The following CTNND2 variants were observed in gnomAD, a reference collection of about 807,000 sequenced individuals.
CTNND2 encodes the protein catenin delta-2.
CTNND2 carries 22 observed loss-of-function variants against 144.4 expected under a neutral mutation model. That is an observed-to-expected ratio of 0.15 (90% confidence interval 0.11 to 0.22). The LOEUF (loss-of-function observed/expected upper bound fraction) is 0.22, where lower values mean the gene tolerates loss of function less well. Among genes scored for constraint, CTNND2 ranks in the 10% least tolerant of loss-of-function variants. CTNND2 has a pLI of 1.00. For synonymous variants in CTNND2, 751 were observed against 695.6 expected, an observed-to-expected ratio of 1.08 and a Z score of -1.25; for missense variants, 1,353 against 1,618.8, an observed-to-expected ratio of 0.84 and a Z score of 2.82.
chr5:11,640,717 C>G (rs1781955688), intron 2 of CTNND2, among the ~76,000 whole-genome samples: 1 of 152,140 alleles, frequency 6.6e-6, no homozygotes, highest in African/African-American at 2.4e-5. Context: ...ACAGAGAACA[C>G]AAGGTCTTGG....
intron 3 of CTNND2, among the ~76,000 whole-genome samples, chr5:11,543,081 T>C (rs990231820): frequency 6.6e-6 from 1 of 152,216 alleles, no homozygotes; most frequent in Non-Finnish European, 1.5e-5. Context: ...TCAACTTTCA[T>C]CTATGTGACT....
chr5:11,470,457 T>C (rs534010782), intron 3 of CTNND2, among the ~76,000 whole-genome samples: 3 of 152,132 alleles, frequency 2.0e-5, no homozygotes, highest in Admixed American at 2.0e-4. Flanking sequence ...ATTGAGAAGA[T>C]AGTACAGAGA....
At chr5:10,991,394 A>C (rs1057500431) in intron 19 of CTNND2, among the ~76,000 whole-genome samples, 4 of 152,218 alleles carry the variant, frequency 2.6e-5, no homozygotes, top group Admixed American at 2.6e-4. Flanking sequence ...TTTCATAAAT[A>C]AGAGCCTACA....
At chr5:11,196,269 A>G (rs186897537) in intron 11 of CTNND2, among the ~76,000 whole-genome samples, 54 of 152,344 alleles carry the variant, frequency 3.5e-4, no homozygotes, top group Non-Finnish European at 6.5e-4. Flanking sequence ...AAAAATCACT[A>G]AAATTGTTCT....
At chr5:11,118,154 G>A (rs1335987177) in intron 12 of CTNND2, among the ~76,000 whole-genome samples, 1 of 152,212 alleles carries the variant, frequency 6.6e-6, no homozygotes, top group Non-Finnish European at 1.5e-5. Flanking sequence ...CTGAGCTAAT[G>A]GCAACAGATG....
intron 14 of CTNND2, 70 bp downstream of exon 14, chr5:11,110,788 T>C (rs1752884964): frequency 7.1e-7 from 1 of 1,416,286 alleles, no homozygotes; most frequent in Non-Finnish European, 9.7e-7. Flanking sequence ...ATTCTCTATA[T>C]ATTGAGGATA....
At chr5:11,196,056 T>G (rs1203951790) in intron 11 of CTNND2, among the ~76,000 whole-genome samples, 2 of 152,232 alleles carry the variant, frequency 1.3e-5, no homozygotes, top group Admixed American at 1.3e-4. Flanking sequence ...ATGCGCTGAA[T>G]GTAAATGCAT....
chr5:11,454,382 CG>C (rs1765549209), intron 3 of CTNND2, among the ~76,000 whole-genome samples: 1 of 151,778 alleles, frequency 6.6e-6, no homozygotes, highest in Non-Finnish European at 1.5e-5. Context: ...ATCACATCAC[CG>C]CACTTCGGCC....
At chr5:11,676,720 G>A (rs1263950919) in intron 2 of CTNND2, among the ~76,000 whole-genome samples, 4 of 151,948 alleles carry the variant, frequency 2.6e-5, no homozygotes, top group African/African-American at 7.3e-5. Flanking sequence ...TTCAACTCAA[G>A]GTCAGAAGGT....
Position 11,523,643 on chromosome 5 carries a change from T to C in CTNND2, c.287+41301A>G, listed in dbSNP as rs538776731. Reference sequence around the variant, plus strand: ...GTGACAATCTCAGTTCATCTCCAAGTAGAACATAACAAGAAAGACAGGTCC... The same window carrying C: ...GTGACAATCTCAGTTCATCTCCAAGCAGAACATAACAAGAAAGACAGGTCC... On this transcript the variant is annotated intron_variant, in intron 3 of 21. Coordinates refer to ENST00000304623, the MANE Select transcript of CTNND2 (RefSeq NM_001332.4). Among the ~76,000 whole-genome samples the C allele has an allele frequency of 4.4e-4, 67 of 152,316 alleles. 1 individual carries two copies. The highest frequency in any genetic ancestry group is 1.6e-3 in the African/African-American group (65 of 41,574).
At chr5:11,073,671 C>T (rs1748590696) in intron 16 of CTNND2, among the ~76,000 whole-genome samples, 1 of 152,158 alleles carries the variant, frequency 6.6e-6, no homozygotes, top group African/African-American at 2.4e-5. Context: ...ACAAAGAACC[C>T]ATGGCTTCAC....
intron 1 of CTNND2, among the ~76,000 whole-genome samples, chr5:11,790,196 T>C (rs1309054705): frequency 6.6e-6 from 1 of 152,240 alleles, no homozygotes. Context: ...ATCTAAAAAT[T>C]AAATTTCTCA....
At chr5:11,302,925 CCTT>C (rs1186995355) in intron 9 of CTNND2, among the ~76,000 whole-genome samples, 1 of 152,212 alleles carries the variant, frequency 6.6e-6, no homozygotes, top group Non-Finnish European at 1.5e-5. Flanking sequence ...CGTCCTTCCT[CCTT>C]TTTGCCTACT....
chr5:11,116,213 A>C (rs1409042493), intron 13 of CTNND2, among the ~76,000 whole-genome samples: 2 of 152,224 alleles, frequency 1.3e-5, no homozygotes, highest in Admixed American at 6.5e-5. Flanking sequence ...AAACCATAGG[A>C]TTAAGGTCAC....
intron 16 of CTNND2, among the ~76,000 whole-genome samples, chr5:11,070,356 G>A (rs1006140095): frequency 3.5e-4 from 53 of 152,218 alleles, no homozygotes; most frequent in African/African-American, 1.1e-3. Context: ...ATAAAGGATT[G>A]AAAATAGCAC....
At chr5:11,551,431 TC>T (rs1449791669) in intron 3 of CTNND2, among the ~76,000 whole-genome samples, 9 of 85,916 alleles carry the variant, frequency 1.0e-4, no homozygotes, top group African/African-American at 4.0e-4. Context: ...TTTTCTTTTT[TC>T]TTTTTTTTTT....
intron 18 of CTNND2, among the ~76,000 whole-genome samples, chr5:11,010,359 T>C (rs1307807697): frequency 6.6e-6 from 1 of 152,242 alleles, no homozygotes; most frequent in African/African-American, 2.4e-5. Context: ...ATTAAAGCCC[T>C]TCAGTATTCC....
chr5:11,088,465 T>C (rs998272354), intron 15 of CTNND2, among the ~76,000 whole-genome samples: 4 of 152,366 alleles, frequency 2.6e-5, no homozygotes, highest in African/African-American at 4.8e-5. Flanking sequence ...TTTCTTGTTC[T>C]AAGTTAATAG....
intron 2 of CTNND2, among the ~76,000 whole-genome samples, chr5:11,641,142 C>G (rs2561597): frequency 0.25 from 37,950 of 151,916 alleles, 5,454 homozygotes; most frequent in African/African-American, 0.39. Flanking sequence ...GAGCTCTCCT[C>G]ACTTTTTATT....
Sources: allele counts gnomAD v4.1 joint callset (sites outside exome capture counted in the v4.1 genomes callset), GRCh38; gene constraint gnomAD v4.1.1; transcripts MANE v1.5; gene names NCBI Gene and HGNC (gene_info 2026-07-23, HGNC 2026-07-21).